BBX: variants seen among roughly 807,000 people sequenced by gnomAD.
The protein encoded by BBX is BBX high mobility group box domain containing, also known as HMG box transcription factor BBX.
In BBX, 30 loss-of-function variants were observed where a neutral mutation model predicts 100.2. The observed-to-expected ratio is 0.30, with a 90% CI of 0.22 to 0.41. BBX has a LOEUF of 0.41. Ranked by LOEUF, BBX falls within the 10% of genes least tolerant of loss-of-function variation. The probability of loss-of-function intolerance (pLI) is 1.00; values close to 1 mark genes in which losing one functional copy is unlikely to be tolerated. For synonymous variants in BBX, 376 were observed against 388.1 expected, an observed-to-expected ratio of 0.97 and a Z score of 0.37; for missense variants, 1,023 against 1,129.8, an observed-to-expected ratio of 0.91 and a Z score of 1.35.
chr3:107,538,826 C>G (rs900634443), intron 2 of BBX, among the ~76,000 whole-genome samples: 1 of 151,992 alleles, frequency 6.6e-6, no homozygotes, highest in East Asian at 1.9e-4. Context: ...ACTCTGTTGC[C>G]CCAGCTAGGG....
At chr3:107,592,360 C>CAAAAAA (rs398052177) in intron 2 of BBX, among the ~76,000 whole-genome samples, 2 of 74,906 alleles carry the variant, frequency 2.7e-5, no homozygotes, top group Non-Finnish European at 4.7e-5. Context: ...GACCCTGTCT[C>CAAAAAA]AAAAAAAAAA....
chr3:107,753,242 A>G (rs1276492119), intron 9 of BBX, among the ~76,000 whole-genome samples: 1 of 152,178 alleles, frequency 6.6e-6, no homozygotes, highest in Non-Finnish European at 1.5e-5. Context: ...AAGCCATGGA[A>G]ATTAACGTAT....
intron 2 of BBX, among the ~76,000 whole-genome samples, chr3:107,551,446 A>C (rs2049673085): frequency 6.6e-6 from 1 of 152,254 alleles, no homozygotes; most frequent in South Asian, 2.1e-4. Context: ...AGTTTTGTTA[A>C]TACAATGCAT....
At position 107,773,125 on chromosome 3, in the gene BBX, A is replaced by C; in HGVS notation, c.1404A>C (p.Thr468=). The change falls in exon 11 of 18, where the codon ACA becomes ACC. Residue 468 remains threonine (T), a synonymous_variant. Transcript: ENST00000325805. The surrounding 1 kb of genome is among the most constrained non-coding windows in gnomAD (Gnocchi z 4.1). ...KMDRHGNDKS[T]PKKTCKKRQS... ...ATCGACATGGAAATGATAAATCCACACCCAAGAAGACTTGCAAAAAGAGGC... is the reference window on the plus strand; with the variant it reads ...ATCGACATGGAAATGATAAATCCACCCCCAAGAAGACTTGCAAAAAGAGGC... The C allele has an allele frequency of 6.2e-7, 1 of 1,614,034 alleles. No individual in the cohort carries two copies. The highest frequency in any genetic ancestry group is 8.5e-7 in the Non-Finnish European group (1 of 1,179,996).
At position 107,772,666 on chromosome 3, in the gene BBX, A is replaced by G; in HGVS notation, c.945A>G (p.Ser315=). 1 of 1,597,182 alleles carries G rather than the reference A, an allele frequency of 6.3e-7. No homozygotes were observed. ...CAGAAGGGATGAAAATGGAAGAATC[A>G]AAGCTAATAAAAGCAAAAGAATCCG... The part of the protein sequence containing the change: ...LASEGMKMEE[S]KLIKAKESDG... Residue 315 remains serine (S), a synonymous_variant, in exon 11 of 18, where the codon TCA becomes TCG. Transcript: ENST00000325805.
chr3:107,685,406 C>G (rs1470476248), intron 3 of BBX, among the ~76,000 whole-genome samples: 1 of 152,146 alleles, frequency 6.6e-6, no homozygotes, highest in African/African-American at 2.4e-5. Context: ...CTTGAATAGC[C>G]TTAACCAAGA....
chr3:107,762,978 T>C (rs569266256), intron 10 of BBX, among the ~76,000 whole-genome samples: 33 of 152,190 alleles, frequency 2.2e-4, no homozygotes, highest in Non-Finnish European at 3.7e-4. Flanking sequence ...TTGTTCCATA[T>C]ACAGTTATTT....
At chr3:107,591,762 C>T (rs1369364719) in intron 2 of BBX, among the ~76,000 whole-genome samples, 2 of 152,182 alleles carry the variant, frequency 1.3e-5, no homozygotes, top group African/African-American at 2.4e-5. Flanking sequence ...GCTGGTATTA[C>T]AGGACATGAG....
intron 2 of BBX, among the ~76,000 whole-genome samples, chr3:107,580,297 T>A (rs1055323409): frequency 6.8e-6 from 1 of 147,560 alleles, no homozygotes; most frequent in Non-Finnish European, 1.5e-5. Flanking sequence ...TTTAATCTTG[T>A]TTCTCTTGTG....
chr3:107,588,452 C>T (rs1168700949), intron 2 of BBX, among the ~76,000 whole-genome samples: 1 of 152,030 alleles, frequency 6.6e-6, no homozygotes, highest in Non-Finnish European at 1.5e-5. Flanking sequence ...CAGGAGCTAA[C>T]GTGTTGGAAT....
chr3:107,680,697 A>G (rs1357154571), intron 3 of BBX, among the ~76,000 whole-genome samples: 1 of 152,166 alleles, frequency 6.6e-6, no homozygotes. Context: ...CGGTCCGTTA[A>G]GACATGCTGC....
intron 2 of BBX, among the ~76,000 whole-genome samples, chr3:107,595,030 G>A (rs1355665798): frequency 6.6e-6 from 1 of 152,228 alleles, no homozygotes; most frequent in Non-Finnish European, 1.5e-5. Flanking sequence ...ATAGAACAGA[G>A]CAAGAATGCT....
chr3:107,612,690 G>C (rs1282062314), intron 2 of BBX, among the ~76,000 whole-genome samples: 1 of 152,222 alleles, frequency 6.6e-6, no homozygotes, highest in Non-Finnish European at 1.5e-5. Context: ...TTCTAGGTCA[G>C]ACCTGAAGCC....
At chr3:107,523,349 T>C (rs1267611947) in intron 1 of BBX, 1 of 156,206 alleles carries the variant, frequency 6.4e-6, no homozygotes, top group Admixed American at 6.5e-5. Flanking sequence ...CGCCAAAACT[T>C]TGGGTCGGGA....
intron 3 of BBX, among the ~76,000 whole-genome samples, chr3:107,703,184 T>G (rs535170317): frequency 1.1e-4 from 16 of 152,232 alleles, no homozygotes; most frequent in Non-Finnish European, 1.9e-4. Context: ...TACTGTTTTG[T>G]TAGGTCCACT....
chr3:107,730,703 A>G (rs957815555), intron 6 of BBX, among the ~76,000 whole-genome samples: 1 of 152,186 alleles, frequency 6.6e-6, no homozygotes, highest in African/African-American at 2.4e-5. Context: ...AAGAAAGTAC[A>G]GGAAAGAAGG....
intron 3 of BBX, among the ~76,000 whole-genome samples, chr3:107,665,986 T>C (rs1172804394): frequency 6.6e-6 from 1 of 152,158 alleles, no homozygotes; most frequent in Non-Finnish European, 1.5e-5. Flanking sequence ...CTTCTTTCCT[T>C]GCACCTTCAT....
intron 3 of BBX, among the ~76,000 whole-genome samples, chr3:107,650,379 C>G (rs1357862598): frequency 6.6e-6 from 1 of 151,986 alleles, no homozygotes; most frequent in South Asian, 2.1e-4. Context: ...GTTTCATGCC[C>G]AAACCATCCC....
At chr3:107,755,738 T>C in intron 10 of BBX, 60 bp downstream of exon 10, 1 of 1,401,074 alleles carries the variant, frequency 7.1e-7, no homozygotes, top group Non-Finnish European at 1.0e-6. Context: ...CAAAATATTC[T>C]AACAGTGTTT....
Sources: gnomAD v4.1 joint callset for allele counts (sites outside exome capture counted in the v4.1 genomes callset) on GRCh38, gnomAD v4.1.1 for gene constraint, Gnocchi (gnomAD v3.1) non-coding constraint, MANE v1.5 for transcripts, NCBI Gene and HGNC (gene_info 2026-07-23, HGNC 2026-07-21) for gene names.